The following SCLT1 variants were observed in gnomAD, a reference collection of about 807,000 sequenced individuals.
SCLT1 encodes sodium channel-associated protein 1.
SCLT1 carries 78 observed loss-of-function variants against 112.8 expected under a neutral mutation model. The observed-to-expected ratio is 0.69, with a 90% CI of 0.58 to 0.83. The LOEUF is 0.83. SCLT1 is among the 40% of genes least tolerant of loss of function. The pLI is 0.00. For synonymous variants in SCLT1, 257 were observed against 254.7 expected, an observed-to-expected ratio of 1.01 and a Z score of -0.09; for missense variants, 747 against 770.4, an observed-to-expected ratio of 0.97 and a Z score of 0.36.
intron 18 of SCLT1, among the ~76,000 whole-genome samples, chr4:128,920,429 T>C (rs978872813): frequency 6.6e-6 from 1 of 152,180 alleles, no homozygotes; most frequent in Non-Finnish European, 1.5e-5. Context: ...ATAGCTGGAA[T>C]TACAGGCACA....
rs59715472 is a variant in SCLT1 at position 129,051,317 on chromosome 4, A to G, written c.103-7266T>C. ...ACTGAATCTATAAATTACTTTGCAC[A>G]GCATGGCCATTTTCACAATATTGAT... On this transcript the variant is annotated intron_variant, in intron 2 of 20. Coordinates refer to ENST00000281142, the MANE Select transcript of SCLT1 (RefSeq NM_144643.4). Among the ~76,000 whole-genome samples the G allele has an allele frequency of 4.7e-3, 717 of 152,326 alleles. 4 individuals carry two copies. Among genetic ancestry groups the G allele is most frequent in the African/African-American group, 0.016 (657 of 41,568 alleles).
At position 128,997,879 on chromosome 4, in the gene SCLT1, C is replaced by T. The variant is rs1234526423; in HGVS notation, c.610G>A (p.Glu204Lys). 7.7e-6 allele frequency: 11 copies of T among 1,429,522 alleles called. No individual in the cohort carries two copies. Among genetic ancestry groups the T allele is most frequent in the East Asian group, 2.5e-5 (1 of 39,946 alleles). 88.6% of individuals were successfully genotyped at this position (1,429,522 alleles called of 1,614,324 possible). The change falls in exon 8 of 21, where the codon GAA becomes AAA. Residue 204 changes from glutamate to lysine, a missense_variant. Around this residue, in one of 2 missense-constraint regions of SCLT1, gnomAD observed 723 missense variants for 721.3 expected, o/e 1.00. Transcript: ENST00000281142. The part of the protein sequence containing the change: ...KQLHVTNENM[E>K]VTNQQFLKTV... ...ATATAAATAAGTATACTTACCACTTCCATGTTCTCATTAGTAACATGAAGT... is the reference window on the plus strand; with the variant it reads ...ATATAAATAAGTATACTTACCACTTTCATGTTCTCATTAGTAACATGAAGT...
chr4:129,044,314 C>T (rs577903072), intron 2 of SCLT1, among the ~76,000 whole-genome samples: 1 of 151,996 alleles, frequency 6.6e-6, no homozygotes, highest in East Asian at 1.9e-4. Context: ...CAGAAATCTA[C>T]ATCAATTATA....
chr4:129,091,920 C>T (rs1464039879), intron 1 of SCLT1, among the ~76,000 whole-genome samples: 1 of 152,162 alleles, frequency 6.6e-6, no homozygotes, highest in Non-Finnish European at 1.5e-5. Context: ...GCTACCAAAA[C>T]GGAACTTACT....
chr4:128,892,171 T>C lies in SCLT1; in HGVS notation c.1830-1034A>G, dbSNP rs189948520. Among the ~76,000 whole-genome samples, 4 of 152,378 alleles carry C rather than the reference T, an allele frequency of 2.6e-5. No homozygotes were observed. In the East Asian group the frequency reaches 7.7e-4, roughly 29 times the overall value. ...ACTGTCTTCTTCTTCTTGTTCAACG[T>C]ATAAGTATTCTATTGCTTTTAGCCA... On this transcript the variant is annotated intron_variant, in intron 18 of 20. Coordinates refer to ENST00000281142, the MANE Select transcript of SCLT1 (RefSeq NM_144643.4).
intron 18 of SCLT1, among the ~76,000 whole-genome samples, chr4:128,919,307 T>A (rs1358449300): frequency 6.6e-6 from 1 of 152,134 alleles, no homozygotes; most frequent in East Asian, 1.9e-4. Flanking sequence ...TTAAACAACC[T>A]GCCCCTGAAT....
intron 18 of SCLT1, among the ~76,000 whole-genome samples, chr4:128,920,703 A>G (rs1366639056): frequency 6.6e-6 from 1 of 152,234 alleles, no homozygotes; most frequent in East Asian, 1.9e-4. Flanking sequence ...CACAGATAAC[A>G]TTGTAATGAA....
At chr4:128,895,503 C>T (rs948267835) in intron 18 of SCLT1, among the ~76,000 whole-genome samples, 8 of 152,172 alleles carry the variant, frequency 5.3e-5, no homozygotes, top group Non-Finnish European at 1.2e-4. Flanking sequence ...TTGTGTTTTT[C>T]GGATTTCCCA....
intron 18 of SCLT1, among the ~76,000 whole-genome samples, chr4:128,926,774 A>G (rs889496145): frequency 6.6e-6 from 1 of 152,074 alleles, no homozygotes; most frequent in African/African-American, 2.4e-5. Flanking sequence ...TTTTTACTAA[A>G]TGAATAGTAA....
intron 18 of SCLT1, among the ~76,000 whole-genome samples, chr4:128,900,150 T>C (rs1251891275): frequency 6.6e-6 from 1 of 152,194 alleles, no homozygotes; most frequent in Non-Finnish European, 1.5e-5. Flanking sequence ...ACCAATGACT[T>C]TCTTCACAGA....
intron 2 of SCLT1, among the ~76,000 whole-genome samples, chr4:129,073,501 T>C (rs1016666749): frequency 6.6e-6 from 1 of 152,132 alleles, no homozygotes; most frequent in Non-Finnish European, 1.5e-5. Context: ...AAAACAGTAA[T>C]ATATGGGCTA....
intron 2 of SCLT1, among the ~76,000 whole-genome samples, chr4:129,058,743 A>T (rs777822762): frequency 1.3e-5 from 2 of 152,132 alleles, no homozygotes; most frequent in African/African-American, 2.4e-5. Context: ...TATAGTTTAA[A>T]TCTAATGTTT....
chr4:128,914,983 G>C (rs1735367350), intron 18 of SCLT1, among the ~76,000 whole-genome samples: 2 of 151,702 alleles, frequency 1.3e-5, no homozygotes, highest in Non-Finnish European at 2.9e-5. Flanking sequence ...GCTCATAAAG[G>C]GGCACGGCAT....
At position 129,027,520 on chromosome 4, in the gene SCLT1, C is replaced by T. The variant is rs527368413; in HGVS notation, c.290+11521G>A. 5.8e-4 allele frequency among the ~76,000 whole-genome samples: 89 copies of T among 152,224 alleles called. 1 individual carries two copies. Among genetic ancestry groups the T allele is most frequent in the African/African-American group, 1.7e-3 (69 of 41,518 alleles). On this transcript the variant is annotated intron_variant, in intron 5 of 20. Coordinates refer to ENST00000281142, the MANE Select transcript of SCLT1 (RefSeq NM_144643.4). ...CTCAATAAATTAGGTATTGATGGGA[C>T]GTATCTCAAAATAATAAGAGCTATC... is the stretch of plus-strand genomic sequence containing the variant.
chr4:129,056,379 T>C (rs984673448), intron 2 of SCLT1, among the ~76,000 whole-genome samples: 2 of 152,212 alleles, frequency 1.3e-5, no homozygotes, highest in African/African-American at 2.4e-5. Flanking sequence ...TCTATTTTTA[T>C]GGCAGTACCA....
chr4:129,091,467 A>C (rs1408566408), intron 1 of SCLT1, among the ~76,000 whole-genome samples: 1 of 152,004 alleles, frequency 6.6e-6, no homozygotes, highest in Non-Finnish European at 1.5e-5. Context: ...TGGCTGGATC[A>C]TTCTTATAAA....
intron 5 of SCLT1, among the ~76,000 whole-genome samples, chr4:129,025,584 A>T (rs926726454): frequency 6.6e-6 from 1 of 152,204 alleles, no homozygotes; most frequent in East Asian, 1.9e-4. Context: ...GGTACCAGCC[A>T]CTGCAAAATC....
chr4:129,016,524 G>A (rs1020190706), intron 5 of SCLT1, among the ~76,000 whole-genome samples: 9 of 152,134 alleles, frequency 5.9e-5, no homozygotes, highest in South Asian at 2.1e-4. Flanking sequence ...CCATGTTAGC[G>A]TCAATCTTCC....
chr4:129,081,161 C>T (rs1004021882), intron 2 of SCLT1, among the ~76,000 whole-genome samples: 2 of 152,184 alleles, frequency 1.3e-5, no homozygotes, highest in Non-Finnish European at 2.9e-5. Context: ...CACACCTTTG[C>T]TCAAGGAAAT....
Sources: gnomAD v4.1 joint callset for allele counts (sites outside exome capture counted in the v4.1 genomes callset) on GRCh38, gnomAD v4.1.1 for gene constraint, gnomAD v4.1.1 regional missense constraint, MANE v1.5 for transcripts, NCBI Gene and HGNC (gene_info 2026-07-23, HGNC 2026-07-21) for gene names.